Variants in SSBP3 observed in about 807,000 individuals in gnomAD.
SSBP3 encodes the protein single-stranded DNA-binding protein 3.
Under a neutral mutation model 69.6 loss-of-function variants are expected in SSBP3, and 5 were observed. That is an observed-to-expected ratio of 0.07 (90% CI 0.04 to 0.15). The LOEUF is 0.15. Among genes scored for constraint, SSBP3 ranks in the 10% least tolerant of loss-of-function variants. The pLI, the probability that SSBP3 is intolerant of heterozygous loss-of-function variation, is 1.00. For missense variants in SSBP3, 312 were observed against 534.0 expected (o/e 0.58, Z 4.10); for synonymous variants, 196 against 193.4 (o/e 1.01, Z -0.11).
At chr1:54,240,587 C>T (rs1000674215) in intron 13 of SSBP3, among the ~76,000 whole-genome samples, 1 of 151,910 alleles carries the variant, frequency 6.6e-6, no homozygotes, top group Non-Finnish European at 1.5e-5. Flanking sequence ...TGGCAGAACC[C>T]CAAGGCCCCT....
intron 4 of SSBP3, among the ~76,000 whole-genome samples, chr1:54,295,081 A>G (rs959043714): frequency 6.6e-5 from 10 of 152,048 alleles, no homozygotes; most frequent in Admixed American, 3.3e-4. Flanking sequence ...GGAGGAATCC[A>G]TCACCCCCAG....
chr1:54,394,068 T>C (rs1482794667), intron 4 of SSBP3, among the ~76,000 whole-genome samples: 5 of 152,230 alleles, frequency 3.3e-5, no homozygotes, highest in Non-Finnish European at 7.3e-5. Flanking sequence ...CCTGGTATAC[T>C]TTATTAACCC....
intron 4 of SSBP3, among the ~76,000 whole-genome samples, chr1:54,392,398 A>C (rs551568498): frequency 4.6e-5 from 7 of 152,326 alleles, no homozygotes; most frequent in South Asian, 2.1e-4. Flanking sequence ...TTGAGCCCCC[A>C]AAAAAGGCAA....
chr1:54,373,924 C>G (rs1236710898), intron 4 of SSBP3, among the ~76,000 whole-genome samples: 1 of 152,144 alleles, frequency 6.6e-6, no homozygotes, highest in Non-Finnish European at 1.5e-5. Flanking sequence ...ATGGTGTGCA[C>G]GTCTGGACCA....
chr1:54,307,593 A>C (rs1331899402), intron 4 of SSBP3, among the ~76,000 whole-genome samples: 1 of 152,210 alleles, frequency 6.6e-6, no homozygotes, highest in African/African-American at 2.4e-5. Flanking sequence ...ATGAGGCTGA[A>C]ACCTACTGAG....
intron 4 of SSBP3, among the ~76,000 whole-genome samples, chr1:54,325,646 A>G (rs1450831514): frequency 1.3e-5 from 2 of 152,184 alleles, no homozygotes; most frequent in Non-Finnish European, 2.9e-5. Flanking sequence ...CAATTATTGG[A>G]TTAATTTATA....
chr1:54,258,163 C>T lies in SSBP3; in HGVS notation c.367-14G>A. 1 of 1,566,424 alleles carries T rather than the reference C, an allele frequency of 6.4e-7. No individual in the cohort carries two copies. Among genetic ancestry groups the T allele is most frequent in the Non-Finnish European group, 8.6e-7 (1 of 1,156,926 alleles). On this transcript the variant is annotated splice_polypyrimidine_tract_variant and intron_variant, in intron 5 of 17. Coordinates refer to ENST00000610401, the Ensembl canonical transcript of SSBP3. This position sits in a 1 kb window ranked among gnomAD's most constrained non-coding sequence, Gnocchi z 4.5. ...CCCCGGAGGACCCTGTGAGGCCAGA[C>T]AGTAGAGGCAGGTTATAGATCACAG...
chr1:54,306,000 G>T (rs1183182116), intron 4 of SSBP3, among the ~76,000 whole-genome samples: 1 of 151,596 alleles, frequency 6.6e-6, no homozygotes, highest in African/African-American at 2.4e-5. Flanking sequence ...GGGTCCAGGG[G>T]AAACACCACA....
chr1:54,280,242 T>C (rs1645366005), intron 5 of SSBP3, among the ~76,000 whole-genome samples: 1 of 152,226 alleles, frequency 6.6e-6, no homozygotes, highest in Non-Finnish European at 1.5e-5. Context: ...TCTTGCCAAC[T>C]AGAATCATCT....
intron 9 of SSBP3, among the ~76,000 whole-genome samples, chr1:54,247,208 G>A (rs1644749607): frequency 6.6e-6 from 1 of 152,250 alleles, no homozygotes; most frequent in South Asian, 2.1e-4. Flanking sequence ...CTTTCTAGGT[G>A]CCCACTGTTT....
intron 5 of SSBP3, among the ~76,000 whole-genome samples, chr1:54,270,418 A>C (rs936842441): frequency 6.6e-6 from 1 of 152,206 alleles, no homozygotes; most frequent in Admixed American, 6.5e-5. Flanking sequence ...GCAGGGGCTA[A>C]GGGAGGTAAA....
chr1:54,236,138 C>T (rs1048440205), intron 14 of SSBP3, among the ~76,000 whole-genome samples: 8 of 151,730 alleles, frequency 5.3e-5, no homozygotes, highest in East Asian at 1.9e-4. Flanking sequence ...TTCTTTGAAA[C>T]GGAGTCTCAT....
chr1:54,325,331 TCTGATCTCACTAGGA>T (rs1330877452), intron 4 of SSBP3: 1 of 167,088 alleles, frequency 6.0e-6, no homozygotes, highest in African/African-American at 2.4e-5. Flanking sequence ...TTTGTGAGCC[TCTGATCTCACTAGGA>T]AAAGGCAGGA....
chr1:54,326,706 C>T (rs1268754896), intron 4 of SSBP3, among the ~76,000 whole-genome samples: 2 of 152,160 alleles, frequency 1.3e-5, no homozygotes, highest in Non-Finnish European at 1.5e-5. Context: ...CACCCATTGC[C>T]CTTGTCTGCA....
At chr1:54,243,617 C>A (rs568716653) in intron 9 of SSBP3, among the ~76,000 whole-genome samples, 1 of 152,284 alleles carries the variant, frequency 6.6e-6, no homozygotes, top group African/African-American at 2.4e-5. Context: ...CCTGTACCTT[C>A]CCCCTGGGCT....
intron 4 of SSBP3, among the ~76,000 whole-genome samples, chr1:54,317,284 T>C (rs1646130455): frequency 6.6e-6 from 1 of 152,206 alleles, no homozygotes; most frequent in Non-Finnish European, 1.5e-5. Context: ...ACACCTGTCA[T>C]CTCAGCACTT....
At chr1:54,406,381 G>A in exon 1 of SSBP3, 1 of 165,176 alleles carries the variant, frequency 6.1e-6, no homozygotes, top group Non-Finnish European at 1.3e-5. Context: ...CGCCGCCGCC[G>A]CCGCCGCTGG....
At chr1:54,391,883 C>A (rs1177525463) in intron 4 of SSBP3, among the ~76,000 whole-genome samples, 1 of 152,156 alleles carries the variant, frequency 6.6e-6, no homozygotes, top group African/African-American at 2.4e-5. Context: ...CCCCCTCCAC[C>A]CACCCACCTC....
At chr1:54,268,395 T>C (rs769973521) in intron 5 of SSBP3, among the ~76,000 whole-genome samples, 1 of 152,242 alleles carries the variant, frequency 6.6e-6, no homozygotes, top group Non-Finnish European at 1.5e-5. Flanking sequence ...CACTGCCTCA[T>C]CCACCCAGAG....
Sources: allele counts gnomAD v4.1 joint callset (sites outside exome capture counted in the v4.1 genomes callset), GRCh38; gene constraint gnomAD v4.1.1; non-coding constraint Gnocchi (gnomAD v3.1); transcripts MANE v1.5; gene names NCBI Gene and HGNC (gene_info 2026-07-23, HGNC 2026-07-21).